SDK2: variants seen among roughly 807,000 people sequenced by gnomAD.
SDK2 encodes the protein protein sidekick-2.
A neutral mutation model predicts 253.9 loss-of-function variants in SDK2; 105 were observed. The observed-to-expected ratio is 0.41, with a 90% confidence interval of 0.35 to 0.49. The LOEUF is 0.49. Among genes scored for constraint, SDK2 ranks in the 20% least tolerant of loss-of-function variants. The pLI is 0.06. For synonymous variants in SDK2, 1,249 were observed against 1,234.9 expected (o/e 1.01, Z -0.24); for missense variants, 2,608 against 3,003.0 (o/e 0.87, Z 3.07).
intron 18 of SDK2, among the ~76,000 whole-genome samples, chr17:73,412,325 A>G (rs982191863): frequency 4.7e-4 from 71 of 150,766 alleles, no homozygotes; most frequent in East Asian, 9.9e-4. Context: ...TTTAGTAGAG[A>G]TGGGATTTCA....
chr17:73,401,991 C>T lies in SDK2; in HGVS notation c.2635G>A (p.Asp879Asn). The T allele has an allele frequency of 6.2e-7, 1 of 1,613,386 alleles. No individual in the cohort carries two copies. The highest frequency in any genetic ancestry group is 8.5e-7 in the Non-Finnish European group (1 of 1,179,698). ...AGCTGCGGGGTGCTGCGTGGCCCGT[C>T]CCCGGGGGTGGTGAAACACAGCACT... The part of the protein sequence containing the change: ...TSVLCFTTPG[D>N]GPRSTPQLVR... The change falls in exon 19 of 45, where the codon GAC (aspartate) becomes AAC (asparagine). Residue 879 changes from aspartate (D) to asparagine (N), a missense_variant. Coordinates refer to ENST00000392650, the MANE Select transcript of SDK2 (RefSeq NM_001144952.2).
intron 36 of SDK2, among the ~76,000 whole-genome samples, chr17:73,377,268 G>A (rs2062790320): frequency 6.6e-6 from 1 of 150,432 alleles, no homozygotes; most frequent in Admixed American, 6.6e-5. Context: ...GTCCAGGCTG[G>A]AGTGCAGTGA....
intron 2 of SDK2, among the ~76,000 whole-genome samples, chr17:73,497,685 G>A (rs374407754): frequency 1.2e-4 from 18 of 149,004 alleles, no homozygotes; most frequent in East Asian, 5.9e-4. Flanking sequence ...GCCGCCCCTC[G>A]CAGCACAATG....
intron 1 of SDK2, among the ~76,000 whole-genome samples, chr17:73,530,480 C>T (rs1392032061): frequency 6.6e-6 from 1 of 152,150 alleles, no homozygotes; most frequent in African/African-American, 2.4e-5. Context: ...TCCCTCGACA[C>T]CTGGGGATTA....
At chr17:73,416,105 G>C in intron 16 of SDK2, 113 bp from the exon 17 acceptor site, 5 of 956,662 alleles carry the variant, frequency 5.2e-6, no homozygotes, top group Non-Finnish European at 7.8e-6. Flanking sequence ...TGGCGGAAGT[G>C]CTCTGCACCT....
chr17:73,419,015 C>T, intron 16 of SDK2, 151 bp downstream of exon 16: 2 of 830,612 alleles, frequency 2.4e-6, no homozygotes, highest in East Asian at 5.4e-5. Flanking sequence ...CTAAATCCTT[C>T]CTACCACTGA....
At chr17:73,599,936 G>C (rs951332238) in intron 1 of SDK2, among the ~76,000 whole-genome samples, 6 of 152,188 alleles carry the variant, frequency 3.9e-5, no homozygotes, top group African/African-American at 1.4e-4. Context: ...ACACACCTAC[G>C]GTTATTTGTC....
chr17:73,341,409 A>T (rs902695087), intron 44 of SDK2, among the ~76,000 whole-genome samples: 3 of 151,984 alleles, frequency 2.0e-5, no homozygotes, highest in African/African-American at 7.3e-5. Flanking sequence ...TTGAGAGCTA[A>T]TAAGACAACA....
chr17:73,373,681 G>A (rs1339102813), intron 36 of SDK2, among the ~76,000 whole-genome samples: 1 of 151,836 alleles, frequency 6.6e-6, no homozygotes, highest in African/African-American at 2.4e-5. Flanking sequence ...TTTTGAGTTG[G>A]AGTCTTGCTC....
In SDK2 at chr17:73,374,529, G is replaced by A. The variant is rs1329582756; in HGVS notation, c.4980+4648C>T. Among the ~76,000 whole-genome samples the A allele has an allele frequency of 8.4e-5, 12 of 142,482 alleles. 1 individual carries two copies. The highest frequency in any genetic ancestry group is 1.4e-4 in the African/African-American group (5 of 35,072). The allele number at this position is 142,482 out of a possible 152,430, so 93.5% of individuals were successfully genotyped here. On this transcript the variant is annotated intron_variant, in intron 36 of 44. Coordinates refer to ENST00000392650, the MANE Select transcript of SDK2 (RefSeq NM_001144952.2). ...GTTGCCCAGGCTGGAGTACAGTGGC[G>A]TGATCTTGGTGCACTGCAACCTCTG... is the stretch of plus-strand genomic sequence containing the variant.
intron 12 of SDK2, among the ~76,000 whole-genome samples, chr17:73,428,558 C>T (rs2063302254): frequency 6.6e-6 from 1 of 152,138 alleles, no homozygotes; most frequent in Non-Finnish European, 1.5e-5. Context: ...TTGACCATTC[C>T]TTTCAAAGGC....
intron 3 of SDK2, 28 bp downstream of exon 3, chr17:73,472,084 C>G: frequency 1.3e-6 from 2 of 1,513,464 alleles, no homozygotes. Context: ...AGTCGCCCCC[C>G]CTGCCCCTGG....
At chr17:73,408,046 C>CTTTT (rs373774628) in intron 18 of SDK2, among the ~76,000 whole-genome samples, 647 of 50,938 alleles carry the variant, frequency 0.013, 169 homozygotes, top group South Asian at 0.016. Context: ...TAAAATATTT[C>CTTTT]CTTTTTTTTT....
chr17:73,405,867 C>A (rs1003076269), intron 18 of SDK2, among the ~76,000 whole-genome samples: 2 of 151,458 alleles, frequency 1.3e-5, no homozygotes, highest in Admixed American at 1.3e-4. Context: ...CTACAGGCGC[C>A]TGCCACCACG....
At chr17:73,418,046 C>T (rs940497251) in intron 16 of SDK2, among the ~76,000 whole-genome samples, 4 of 126,244 alleles carry the variant, frequency 3.2e-5, no homozygotes, top group East Asian at 2.1e-4. Context: ...GATGGAGTCT[C>T]GCCCAGGCTG....
At chr17:73,486,610 TAAAAAAAA>T (rs34896987) in intron 2 of SDK2, among the ~76,000 whole-genome samples, 1 of 96,452 alleles carries the variant, frequency 1.0e-5, no homozygotes, top group Non-Finnish European at 2.0e-5. Context: ...ACTCTGCTTC[TAAAAAAAA>T]AAAAAAAAAA....
At position 73,430,522 on chromosome 17, in the gene SDK2, T is replaced by A. The variant is rs2145606680; in HGVS notation, c.1572A>T (p.Arg524=). Residue 524 remains arginine, a synonymous_variant, in exon 12 of 45, where the codon CGA becomes CGT. Transcript: ENST00000392650. The part of the protein sequence containing the change: ...SMVCGVTHDP[R]VTIRYIWEKD... The stretch of plus-strand genomic sequence containing the variant: ...AGCAGAGCCAGTACCTGATGGTTAC[T>A]CGGGGGTCGTGGGTCACTCCGCACA... 1 of 1,607,640 alleles carries A rather than the reference T, an allele frequency of 6.2e-7. No homozygotes were observed. The highest frequency in any genetic ancestry group is 8.5e-7 in the Non-Finnish European group (1 of 1,176,790).
At chr17:73,483,001 T>G (rs2063736153) in intron 2 of SDK2, among the ~76,000 whole-genome samples, 1 of 152,296 alleles carries the variant, frequency 6.6e-6, no homozygotes, top group East Asian at 1.9e-4. Context: ...AGGTTGAGCA[T>G]GTGGCCTGAA....
chr17:73,543,690 TA>T (rs747250677), intron 1 of SDK2, among the ~76,000 whole-genome samples: 78 of 152,350 alleles, frequency 5.1e-4, no homozygotes, highest in Non-Finnish European at 7.9e-4. Context: ...CCTTGGGGGA[TA>T]GGGGCAGGCC....
Sources: gnomAD v4.1 joint callset for allele counts (sites outside exome capture counted in the v4.1 genomes callset) on GRCh38, gnomAD v4.1.1 for gene constraint, MANE v1.5 for transcripts, NCBI Gene and HGNC (gene_info 2026-07-23, HGNC 2026-07-21) for gene names.